EYS: variants seen among roughly 807,000 people sequenced by gnomAD.
EYS encodes the protein protein eyes shut homolog.
EYS carries 250 observed loss-of-function variants against 282.1 expected under a neutral mutation model. The ratio of observed to expected loss-of-function variants is 0.89; its 90% CI spans 0.80 to 0.98. The LOEUF (loss-of-function observed/expected upper bound fraction) is 0.98, where lower values mean the gene tolerates loss of function less well. Ranked by LOEUF, EYS falls within the 50% of genes least tolerant of loss-of-function variation. EYS has a pLI of 0.00. For synonymous variants in EYS, 1,355 were observed against 1,282.9 expected, an observed-to-expected ratio of 1.06 and a Z score of -1.20; for missense variants, 4,016 against 3,709.0, an observed-to-expected ratio of 1.08 and a Z score of -2.15.
chr6:64,039,428 G>A (rs1770281312), intron 33 of EYS, among the ~76,000 whole-genome samples: 1 of 152,132 alleles, frequency 6.6e-6, no homozygotes, highest in Non-Finnish European at 1.5e-5. Flanking sequence ...TATAGTACGA[G>A]TAAATTTGGG....
chr6:64,342,315 G>A lies in EYS; in HGVS notation c.6079-35233C>T, dbSNP rs1582626321. On this transcript the variant is annotated intron_variant, in intron 29 of 42. Transcript: ENST00000503581. ...CAAAAATGTTAAGGGCAGCCGGAGA[G>A]AAAGGTCGGGTTACCCACAAAGGGA... Among the ~76,000 whole-genome samples, 7 of 151,892 alleles carry A rather than the reference G, an allele frequency of 4.6e-5. No homozygotes were observed. The East Asian group carries it at 1.4e-3, about 30-fold the overall frequency.
intron 19 of EYS, among the ~76,000 whole-genome samples, chr6:64,884,597 A>C (rs1162535635): frequency 6.6e-6 from 1 of 151,594 alleles, no homozygotes; most frequent in Non-Finnish European, 1.5e-5. Context: ...GAGAAGGCTA[A>C]GAAAAATAAA....
chr6:63,955,826 C>T (rs1765793150), intron 35 of EYS, among the ~76,000 whole-genome samples: 1 of 152,208 alleles, frequency 6.6e-6, no homozygotes, highest in Non-Finnish European at 1.5e-5. Flanking sequence ...CCTCCCAATT[C>T]TTAGTCCTTT....
chr6:65,613,785 C>T (rs1306656142), intron 2 of EYS, among the ~76,000 whole-genome samples: 1 of 151,910 alleles, frequency 6.6e-6, no homozygotes, highest in Non-Finnish European at 1.5e-5. Flanking sequence ...TAAAAACACA[C>T]TACCTCGGTC....
chr6:64,825,337 T>C (rs1005666891), intron 19 of EYS, among the ~76,000 whole-genome samples: 14 of 151,958 alleles, frequency 9.2e-5, no homozygotes, highest in African/African-American at 2.9e-4. Flanking sequence ...TTCCATAAGA[T>C]GTATTCATCT....
rs577093216 is a variant in EYS, at chr6:64,125,538, C to G, written c.6425-43536G>C. Among the ~76,000 whole-genome samples the G allele has an allele frequency of 4.6e-5, 7 of 152,032 alleles. No homozygotes were observed. In the South Asian group the frequency reaches 1.2e-3, roughly 27 times the overall value. On this transcript the variant is annotated intron_variant, in intron 31 of 42. Transcript: ENST00000503581. ...GCTCACGCCTGGCCTGTAATCCCAGCACTTTAGGAGGCTGAGGCGGGCGGA... is the reference window on the plus strand; with the variant it reads ...GCTCACGCCTGGCCTGTAATCCCAGGACTTTAGGAGGCTGAGGCGGGCGGA...
intron 12 of EYS, among the ~76,000 whole-genome samples, chr6:65,276,620 A>G (rs763624630): frequency 9.2e-5 from 14 of 152,122 alleles, no homozygotes; most frequent in Admixed American, 2.0e-4. Context: ...CTTTCTTGGT[A>G]TTACAATGCT....
intron 5 of EYS, among the ~76,000 whole-genome samples, chr6:65,433,705 A>C (rs1767964166): frequency 6.6e-6 from 1 of 152,186 alleles, no homozygotes; most frequent in African/African-American, 2.4e-5. Context: ...TAGCTTTATA[A>C]GATTATTTGT....
intron 2 of EYS, among the ~76,000 whole-genome samples, chr6:65,515,089 T>C (rs1343395761): frequency 6.6e-6 from 1 of 151,978 alleles, no homozygotes; most frequent in African/African-American, 2.4e-5. Flanking sequence ...CAAACAAATT[T>C]ACAACAAAAC....
At chr6:65,612,007 AT>A (rs1766018421) in intron 2 of EYS, among the ~76,000 whole-genome samples, 1 of 151,996 alleles carries the variant, frequency 6.6e-6, no homozygotes, top group African/African-American at 2.4e-5. Context: ...TATATAAGCC[AT>A]TTAAAATGGC....
rs552319528 is a variant in EYS at position 64,436,291 on chromosome 6, C to A, written c.5836-26G>T. On this transcript the variant is annotated intron_variant, in intron 27 of 42. Coordinates refer to ENST00000503581, the MANE Select transcript of EYS (RefSeq NM_001142800.2). ...CTGTTGGGGGAAAAAATTTTGTCCT[C>A]AAACAGTTTTTCAGCATGAAATTAA... 5.7e-5 allele frequency: 77 copies of A among 1,346,218 alleles called. No individual in the cohort carries two copies. The African/African-American group carries it at 1.1e-3, about 19-fold the overall frequency. The allele number at this position is 1,346,218 out of a possible 1,614,324, so 83.4% of individuals were successfully genotyped here.
chr6:65,384,466 T>C lies in EYS; in HGVS notation c.1219A>G (p.Lys407Glu), dbSNP rs754797500. The C allele has an allele frequency of 1.2e-6, 2 of 1,607,482 alleles. 1 individual carries two copies. The highest frequency in any genetic ancestry group is 3.3e-5 in the Admixed American group (2 of 59,754). The change falls in exon 8 of 43, where the codon AAA becomes GAA. Residue 407 changes from lysine (K) to glutamate (E), a missense_variant. Lys to Glu is a moderately conservative substitution (Grantham distance 56). Coordinates refer to ENST00000503581, the MANE Select transcript of EYS (RefSeq NM_001142800.2). ...AGCAGTTTACAGTGGTCAATTGCTT[T>C]CTCACAGTTTTTTTCAGTAAATCCT... ...ISGFTEKNCE[K>E]AIDHCKLLSI... is the part of the protein sequence containing the mutation.
intron 26 of EYS, among the ~76,000 whole-genome samples, chr6:64,580,961 T>C (rs1056814860): frequency 6.6e-6 from 1 of 152,016 alleles, no homozygotes; most frequent in Non-Finnish European, 1.5e-5. Context: ...AAAGGAAATA[T>C]GGGTAGGGAG....
At chr6:63,889,485 G>T (rs539470914) in intron 35 of EYS, among the ~76,000 whole-genome samples, 4 of 152,254 alleles carry the variant, frequency 2.6e-5, no homozygotes, top group Non-Finnish European at 5.9e-5. Flanking sequence ...TTAAAGAAAA[G>T]AATTTTCAAC....
At chr6:64,801,044 C>A (rs1774532401) in intron 22 of EYS, among the ~76,000 whole-genome samples, 1 of 151,942 alleles carries the variant, frequency 6.6e-6, no homozygotes, top group Non-Finnish European at 1.5e-5. Flanking sequence ...CTCATTGTTT[C>A]TTTTAACTAA....
rs114321397 is a variant in EYS, at chr6:64,847,224, C to T, written c.2993-24402G>A. Among the ~76,000 whole-genome samples, 452 of 151,922 alleles carry T rather than the reference C, an allele frequency of 3.0e-3. 1 individual carries two copies. Among genetic ancestry groups the T allele is most frequent in the African/African-American group, 1.0e-2 (414 of 41,470 alleles). ...TAATTCCTTGCAATACAAAATTCCCCTCTCTCTCTTCTCTCTCCTGCCATT... is the reference window on the plus strand; with the variant it reads ...TAATTCCTTGCAATACAAAATTCCCTTCTCTCTCTTCTCTCTCCTGCCATT... On this transcript the variant is annotated intron_variant, in intron 19 of 42. Transcript: ENST00000503581.
chr6:64,955,469 G>A (rs1215874782), intron 14 of EYS, among the ~76,000 whole-genome samples: 29 of 152,120 alleles, frequency 1.9e-4, no homozygotes, highest in Non-Finnish European at 1.5e-5. Flanking sequence ...GAGGCAGTGC[G>A]CATGGAAACA....
chr6:64,310,472 T>C (rs561481577), intron 29 of EYS, among the ~76,000 whole-genome samples: 1 of 152,098 alleles, frequency 6.6e-6, no homozygotes, highest in South Asian at 2.1e-4. Context: ...AGGAAACTAA[T>C]ACAGAAAAAG....
At chr6:65,357,733 T>C (rs1452591740) in intron 8 of EYS, among the ~76,000 whole-genome samples, 1 of 151,994 alleles carries the variant, frequency 6.6e-6, no homozygotes, top group African/African-American at 2.4e-5. Context: ...AGTAAGATGA[T>C]TTTTAACTAA....
Sources: gnomAD v4.1 joint callset for allele counts (sites outside exome capture counted in the v4.1 genomes callset) on GRCh38, gnomAD v4.1.1 for gene constraint, MANE v1.5 for transcripts, NCBI Gene and HGNC (gene_info 2026-07-23, HGNC 2026-07-21) for gene names.